The following DOP1B variants were observed in gnomAD, a reference collection of about 807,000 sequenced individuals.
DOP1B encodes DOP1 leucine zipper like protein B.
DOP1B carries 174 observed loss-of-function variants against 233.5 expected under a neutral mutation model. The ratio of observed to expected loss-of-function variants is 0.75; its 90% CI spans 0.66 to 0.85. The LOEUF is 0.85. Among genes scored for constraint, DOP1B ranks in the 40% least tolerant of loss-of-function variants. DOP1B has a pLI of 0.00. For missense variants in DOP1B, 2,652 were observed against 2,846.6 expected, an observed-to-expected ratio of 0.93 and a Z score of 1.56; for synonymous variants, 1,190 against 1,185.6, an observed-to-expected ratio of 1.00 and a Z score of -0.08.
chr21:36,274,014 G>A (rs1442114364), intron 27 of DOP1B, among the ~76,000 whole-genome samples: 1 of 152,088 alleles, frequency 6.6e-6, no homozygotes, highest in Non-Finnish European at 1.5e-5. Flanking sequence ...GGAGGTGGAG[G>A]TTGCAGTGAG....
intron 24 of DOP1B, among the ~76,000 whole-genome samples, chr21:36,263,321 T>C (rs960209961): frequency 6.7e-6 from 1 of 150,122 alleles, no homozygotes; most frequent in Non-Finnish European, 1.5e-5. Flanking sequence ...AAACCAGGAG[T>C]ATCTCACCTG....
At chr21:36,293,288 A>G (rs367587966) in intron 36 of DOP1B, 32 bp from the exon 37 acceptor site, 79 of 1,605,690 alleles carry the variant, frequency 4.9e-5, no homozygotes, top group Non-Finnish European at 5.9e-5. Context: ...CAGTAAAACC[A>G]TATCATTGTT....
At chr21:36,261,132 AG>A in intron 24 of DOP1B, 1 of 979,012 alleles carries the variant, frequency 1.0e-6, no homozygotes, top group Non-Finnish European at 1.2e-6. Flanking sequence ...TGGGAGGTGG[AG>A]GCAGGCGGAT....
chr21:36,196,927 C>T lies in DOP1B; in HGVS notation c.139-2143C>T, dbSNP rs377159415. 6.0e-5 allele frequency among the ~76,000 whole-genome samples: 9 copies of T among 150,950 alleles called. No homozygotes were observed. In the East Asian group the frequency reaches 1.5e-3, roughly 26 times the overall value. ...GAGTGCAACCCTTTTTTGATGACCA[C>T]TAGTTATATCTGATTTTTTTTTTTT... On this transcript the variant is annotated intron_variant, in intron 2 of 36. Transcript: ENST00000691173.
At chr21:36,265,311 G>A (rs756076736) in intron 26 of DOP1B, among the ~76,000 whole-genome samples, 10 of 152,086 alleles carry the variant, frequency 6.6e-5, no homozygotes, top group Admixed American at 5.2e-4. Flanking sequence ...CAGGAGAATC[G>A]CTTGAACCTG....
intron 9 of DOP1B, among the ~76,000 whole-genome samples, chr21:36,215,379 A>G (rs972680059): frequency 6.6e-6 from 1 of 151,800 alleles, no homozygotes. Flanking sequence ...TTCTCTCACT[A>G]TTTATTTATT....
rs1174954097 is a variant in DOP1B at position 36,200,464 on chromosome 21, C to T, written c.454C>T (p.Leu152=). 1 of 1,612,276 alleles carries T rather than the reference C, an allele frequency of 6.2e-7. No individual in the cohort carries two copies. The highest frequency in any genetic ancestry group is 2.2e-5 in the East Asian group (1 of 44,856). Residue 152 remains leucine (L), a synonymous_variant, in exon 4 of 37, where the codon CTG becomes TTG. Coordinates refer to ENST00000691173, the MANE Select transcript of DOP1B (RefSeq NM_001320714.2). ...PSLQAFIVGL[L]PGLEEGSEIS... is the part of the protein sequence containing the mutation. ...TCTGCAGGCCTTCATCGTGGGCCTG[C>T]TGCCCGGCCTTGAAGAGGGCTCCGA... is the stretch of plus-strand genomic sequence containing the variant.
At chr21:36,178,984 C>A (rs900813849) in intron 2 of DOP1B, among the ~76,000 whole-genome samples, 1 of 152,224 alleles carries the variant, frequency 6.6e-6, no homozygotes, top group Non-Finnish European at 1.5e-5. Context: ...TGTCCCCAGA[C>A]AACCACTGAT....
At chr21:36,223,164 T>C in intron 10 of DOP1B, 67 bp from the exon 11 acceptor site, 1 of 1,504,560 alleles carries the variant, frequency 6.6e-7, no homozygotes, top group East Asian at 2.4e-5. Context: ...ATTACAGTTT[T>C]TTGGACACTT....
At chr21:36,256,772 A>G (rs560790063) in intron 23 of DOP1B, among the ~76,000 whole-genome samples, 1 of 152,236 alleles carries the variant, frequency 6.6e-6, no homozygotes, top group Non-Finnish European at 1.5e-5. Context: ...TGGAAAAAAA[A>G]AAACAACTGT....
chr21:36,167,012 C>G (rs2065917667), intron 2 of DOP1B, among the ~76,000 whole-genome samples: 1 of 152,294 alleles, frequency 6.6e-6, no homozygotes, highest in East Asian at 1.9e-4. Flanking sequence ...CAGGAATTCT[C>G]TAGGTGAATG....
chr21:36,283,774 G>A (rs947830807), intron 32 of DOP1B, among the ~76,000 whole-genome samples: 1 of 151,972 alleles, frequency 6.6e-6, no homozygotes, highest in Non-Finnish European at 1.5e-5. Flanking sequence ...TTCATGTGCA[G>A]TATAGGGGAG....
chr21:36,245,622 G>C lies in DOP1B; in HGVS notation c.3642G>C (p.Gln1214His). The change falls in exon 19 of 37, where the codon CAG becomes CAC. Residue 1214 changes from glutamine (Q) to histidine (H), a missense_variant. Gln to His is a conservative substitution (Grantham distance 24). Coordinates refer to ENST00000691173, the MANE Select transcript of DOP1B (RefSeq NM_001320714.2). The surrounding 1 kb of genome is among the most constrained non-coding windows in gnomAD (Gnocchi z 5.5). The part of the protein sequence containing the change: ...ALTTSRLLKQ[Q>H]RERQEAVEAL... ...CCACATCCAGGCTGCTAAAGCAGCA[G>C]CGGGAAAGGCAGGAGGCCGTCGAGG... 6.2e-7 allele frequency: 1 copy of C among 1,613,488 alleles called. No individual in the cohort carries two copies. Among genetic ancestry groups the C allele is most frequent in the Non-Finnish European group, 8.5e-7 (1 of 1,179,928 alleles).
At chr21:36,208,485 G>A (rs754054853) in intron 4 of DOP1B, among the ~76,000 whole-genome samples, 18 of 152,192 alleles carry the variant, frequency 1.2e-4, no homozygotes, top group Admixed American at 3.3e-4. Flanking sequence ...CCAAGACACC[G>A]CGCTGCCTAG....
At chr21:36,170,075 C>A in intron 2 of DOP1B, 1 of 685,892 alleles carries the variant, frequency 1.5e-6, no homozygotes, top group South Asian at 1.4e-5. Context: ...TTGGAAGGGT[C>A]ATCCTTAGGG....
intron 2 of DOP1B, among the ~76,000 whole-genome samples, chr21:36,171,642 C>T (rs1223956985): frequency 6.6e-6 from 1 of 152,184 alleles, no homozygotes; most frequent in Non-Finnish European, 1.5e-5. Context: ...CAGCAAACTC[C>T]TAGCAGCGGG....
In DOP1B at chr21:36,181,431, A is replaced by G. The variant is rs916291851; in HGVS notation, c.138+16560A>G. Among the ~76,000 whole-genome samples the G allele has an allele frequency of 3.9e-5, 6 of 152,196 alleles. No homozygotes were observed. In the South Asian group the frequency reaches 1.0e-3, roughly 26 times the overall value. Reference sequence around the variant, plus strand: ...GTAGCTGGGATTACAGGCGTGTGCCACCACGCCCGGCTAATTTTTGTATTT... The same window carrying G: ...GTAGCTGGGATTACAGGCGTGTGCCGCCACGCCCGGCTAATTTTTGTATTT... On this transcript the variant is annotated intron_variant, in intron 2 of 36. Coordinates refer to ENST00000691173, the MANE Select transcript of DOP1B (RefSeq NM_001320714.2).
chr21:36,194,296 C>A (rs1432431169), intron 2 of DOP1B, among the ~76,000 whole-genome samples: 2 of 152,120 alleles, frequency 1.3e-5, no homozygotes, highest in African/African-American at 2.4e-5. Flanking sequence ...TGTTCATGAT[C>A]TCTAGATCAC....
In DOP1B at chr21:36,188,013, A is replaced by G. The variant is rs150035311; in HGVS notation, c.139-11057A>G. On this transcript the variant is annotated intron_variant, in intron 2 of 36. Coordinates refer to ENST00000691173, the MANE Select transcript of DOP1B (RefSeq NM_001320714.2). ...TAATTTTAAGAAAATTTTAAAAGGA[A>G]AAAAAAAGCATATTCTAATGTGTCT... is the stretch of plus-strand genomic sequence containing the variant. Among the ~76,000 whole-genome samples, 24 of 152,196 alleles carry G rather than the reference A, an allele frequency of 1.6e-4. No homozygotes were observed. In the East Asian group the frequency reaches 4.6e-3, roughly 29 times the overall value.
Sources: gnomAD v4.1 joint callset for allele counts (sites outside exome capture counted in the v4.1 genomes callset) on GRCh38, gnomAD v4.1.1 for gene constraint, Gnocchi (gnomAD v3.1) non-coding constraint, MANE v1.5 for transcripts, NCBI Gene and HGNC (gene_info 2026-07-23, HGNC 2026-07-21) for gene names.